The following TNRC6B variants were observed in gnomAD, a reference collection of about 807,000 sequenced individuals.
TNRC6B encodes trinucleotide repeat containing adaptor 6B, also known as trinucleotide repeat-containing gene 6B protein.
A neutral mutation model predicts 203.6 loss-of-function variants in TNRC6B; 52 were observed. The ratio of observed to expected loss-of-function variants is 0.26; its 90% CI spans 0.20 to 0.32. TNRC6B has a LOEUF of 0.32. TNRC6B is among the 10% of genes least tolerant of loss of function. The pLI is 1.00. For missense variants in TNRC6B, 1,923 were observed against 2,286.2 expected (o/e 0.84, Z 3.24); for synonymous variants, 838 against 845.7 (o/e 0.99, Z 0.16).
intron 1 of TNRC6B, among the ~76,000 whole-genome samples, chr22:40,080,891 G>T (rs748318784): frequency 6.7e-6 from 1 of 148,382 alleles, no homozygotes; most frequent in African/African-American, 2.5e-5. Flanking sequence ...GAGTCTCGCC[G>T]TGACACCCAG....
At chr22:40,054,272 C>G (rs996945622) in intron 1 of TNRC6B, among the ~76,000 whole-genome samples, 5 of 152,198 alleles carry the variant, frequency 3.3e-5, no homozygotes, top group Non-Finnish European at 7.3e-5. Flanking sequence ...AATTCTTGTT[C>G]TTGCCTTTTT....
In TNRC6B at chr22:40,265,847, C is replaced by T. The variant is rs767742110; in HGVS notation, c.1617C>T (p.Asp539=). The T allele has an allele frequency of 7.4e-6, 12 of 1,613,820 alleles. No homozygotes were observed. The Admixed American group carries it at 1.0e-4, about 13-fold the overall frequency. Residue 539 remains aspartate (D), a synonymous_variant, in exon 5 of 23, where the codon GAC becomes GAT. Transcript: ENST00000454349. ...CAAATTCTAGCACTGGAGCATGGGACAATCAAAAGGGCCACCCCCTCCCTG... is the reference window on the plus strand; with the variant it reads ...CAAATTCTAGCACTGGAGCATGGGATAATCAAAAGGGCCACCCCCTCCCTG... ...NQPNSSTGAW[D]NQKGHPLPEN... is the part of the protein sequence containing the mutation.
chr22:40,283,774 A>C (rs1037139315), intron 11 of TNRC6B, among the ~76,000 whole-genome samples: 1 of 152,130 alleles, frequency 6.6e-6, no homozygotes, highest in Non-Finnish European at 1.5e-5. Context: ...GGAAAGTAGG[A>C]ATTGATTTTA....
intron 3 of TNRC6B, among the ~76,000 whole-genome samples, chr22:40,152,609 T>C (rs1416746498): frequency 1.3e-5 from 2 of 152,022 alleles, no homozygotes; most frequent in Non-Finnish European, 2.9e-5. Flanking sequence ...ATTACAGGCG[T>C]GAGCCATCGC....
intron 1 of TNRC6B, among the ~76,000 whole-genome samples, chr22:40,051,992 T>G (rs889590222): frequency 6.6e-6 from 1 of 152,218 alleles, no homozygotes; most frequent in African/African-American, 2.4e-5. Context: ...CACATGTGGC[T>G]AGTGGCTACC....
intron 3 of TNRC6B, among the ~76,000 whole-genome samples, chr22:40,137,404 T>C (rs966770620): frequency 1.3e-5 from 2 of 152,220 alleles, no homozygotes; most frequent in African/African-American, 4.8e-5. Context: ...CTGGACAAGT[T>C]ACACGGCAGA....
chr22:40,246,169 T>A (rs2070104368), intron 2 of TNRC6B, 67 bp downstream of exon 2: 1 of 1,276,192 alleles, frequency 7.8e-7, no homozygotes, highest in Non-Finnish European at 1.1e-6. Flanking sequence ...CAAGAAACTG[T>A]CTTGGCTTGA....
chr22:40,222,449 G>A (rs2069723064), intron 1 of TNRC6B, among the ~76,000 whole-genome samples: 1 of 152,162 alleles, frequency 6.6e-6, no homozygotes, highest in South Asian at 2.1e-4. Flanking sequence ...GCTTGTGTGA[G>A]GAAATGGGGA....
chr22:40,180,130 G>T (rs1472378867), intron 1 of TNRC6B, among the ~76,000 whole-genome samples: 1 of 152,328 alleles, frequency 6.6e-6, no homozygotes, highest in Non-Finnish European at 1.5e-5. Flanking sequence ...AAAAGATAGA[G>T]AAATTACCTT....
chr22:40,276,220 G>T (rs1167698772), intron 7 of TNRC6B, among the ~76,000 whole-genome samples: 1 of 151,138 alleles, frequency 6.6e-6, no homozygotes, highest in African/African-American at 2.4e-5. Context: ...GGTGGCGGGT[G>T]CCTGTAGTCC....
chr22:40,101,559 A>G (rs1024721311), intron 1 of TNRC6B, among the ~76,000 whole-genome samples: 1 of 151,858 alleles, frequency 6.6e-6, no homozygotes, highest in Admixed American at 6.6e-5. Context: ...TTTTTTTTCT[A>G]GTTTTCCTGT....
chr22:40,273,657 G>A, intron 7 of TNRC6B, 57 bp downstream of exon 7: 1 of 1,475,846 alleles, frequency 6.8e-7, no homozygotes, highest in South Asian at 1.4e-5. Context: ...GCAGAACTGA[G>A]GTTTTGTTTT....
In TNRC6B at chr22:40,126,580, AT is replaced by A. The variant is rs955369459; in HGVS notation, c.45+747del. Among the ~76,000 whole-genome samples the A allele has an allele frequency of 6.2e-3, 554 of 88,758 alleles. 5 individuals carry two copies. Among genetic ancestry groups the A allele is most frequent in the East Asian group, 0.05 (164 of 3,258 alleles). The allele number at this position is 88,758 out of a possible 152,430, so 58.2% of individuals were successfully genotyped here. ...CTGTTGCTACAAAGGACGTTATTTA[AT>A]TTTTTTTTTTTTTTTTTTTTTTTTT... On this transcript the variant is annotated intron_variant, in intron 3 of 23. Coordinates refer to the TNRC6B transcript ENST00000301923.
At chr22:40,191,229 T>C (rs907636593) in intron 1 of TNRC6B, among the ~76,000 whole-genome samples, 1 of 152,154 alleles carries the variant, frequency 6.6e-6, no homozygotes, top group African/African-American at 2.4e-5. Context: ...CTGTGCCATC[T>C]TGTGTGCCCC....
chr22:40,211,382 TC>T (rs951681341), intron 1 of TNRC6B, among the ~76,000 whole-genome samples: 23 of 76,432 alleles, frequency 3.0e-4, no homozygotes, highest in Admixed American at 7.9e-4. Context: ...CCCGGCCTGT[TC>T]TTTTTTTTCT....
At chr22:40,150,659 A>G (rs140157871) in intron 3 of TNRC6B, among the ~76,000 whole-genome samples, 89 of 152,312 alleles carry the variant, frequency 5.8e-4, no homozygotes, top group Non-Finnish European at 1.2e-3. Flanking sequence ...GGTGTGAGGT[A>G]CCTAATTAAA....
At chr22:40,246,749 T>TA (rs1278625369) in intron 2 of TNRC6B, among the ~76,000 whole-genome samples, 1 of 152,178 alleles carries the variant, frequency 6.6e-6, no homozygotes, top group Non-Finnish European at 1.5e-5. Context: ...GAATAGCTTT[T>TA]AAAAACTGGC....
intron 1 of TNRC6B, among the ~76,000 whole-genome samples, chr22:40,208,111 C>CAAAAAAAAAAAAAAAAAAAA (rs905832467): frequency 8.0e-5 from 6 of 74,906 alleles, no homozygotes; most frequent in Non-Finnish European, 1.3e-4. Flanking sequence ...GACTCCATCT[C>CAAAAAAAAAAAAAAAAAAAA]AAAAAAAAAA....
chr22:40,199,605 T>C (rs1415233234), intron 1 of TNRC6B, among the ~76,000 whole-genome samples: 5 of 152,136 alleles, frequency 3.3e-5, no homozygotes, highest in Admixed American at 3.3e-4. Context: ...CGAAGGAGAC[T>C]AAAGAGACAT....
Sources: gnomAD v4.1 joint callset for allele counts (sites outside exome capture counted in the v4.1 genomes callset) on GRCh38, gnomAD v4.1.1 for gene constraint, MANE v1.5 for transcripts, NCBI Gene and HGNC (gene_info 2026-07-23, HGNC 2026-07-21) for gene names.